The following KCNIP4 variants were observed in gnomAD, a reference collection of about 807,000 sequenced individuals.
The protein encoded by KCNIP4 is potassium voltage-gated channel interacting protein 4.
KCNIP4 carries 12 observed loss-of-function variants against 34.0 expected under a neutral mutation model. The observed-to-expected ratio is 0.35, with a 90% CI of 0.23 to 0.57. The LOEUF is 0.57. Among genes scored for constraint, KCNIP4 ranks in the 20% least tolerant of loss-of-function variants. The pLI is 0.83. For synonymous variants in KCNIP4, 124 were observed against 102.2 expected (o/e 1.21, Z -1.29); for missense variants, 238 against 311.7 (o/e 0.76, Z 1.78).
chr4:21,743,408 T>C (rs918379680), intron 1 of KCNIP4, among the ~76,000 whole-genome samples: 8 of 146,504 alleles, frequency 5.5e-5, no homozygotes, highest in East Asian at 4.0e-4. Context: ...TTTGTCTCTT[T>C]TTTTTTTTTT....
intron 1 of KCNIP4, among the ~76,000 whole-genome samples, chr4:21,665,523 T>A (rs1242576720): frequency 1.9e-5 from 2 of 106,994 alleles, no homozygotes; most frequent in Admixed American, 1.8e-4. Flanking sequence ...CCCCCCCCCC[T>A]CATTTTATAC....
rs559318092 is a variant in KCNIP4 at position 20,921,158 on chromosome 4, T to A, written c.62-38449A>T. Among the ~76,000 whole-genome samples the A allele has an allele frequency of 1.0e-3, 153 of 152,198 alleles. 1 individual carries two copies. Among genetic ancestry groups the A allele is most frequent in the African/African-American group, 3.6e-3 (148 of 41,514 alleles). ...AATGTACTGGTGATGGGAAAAATAG[T>A]AAGACACCTGACTCAAGAGGTGTTC... On this transcript the variant is annotated intron_variant, in intron 1 of 8. Transcript: ENST00000382152.
chr4:21,022,376 A>G (rs558474674), intron 1 of KCNIP4, among the ~76,000 whole-genome samples: 23 of 152,344 alleles, frequency 1.5e-4, no homozygotes, highest in Non-Finnish European at 2.8e-4. Flanking sequence ...TTTCCATTGC[A>G]TAACCTTTAA....
rs139816622 is a variant in KCNIP4 at position 20,788,103 on chromosome 4, C to T, written c.289-29213G>A. Among the ~76,000 whole-genome samples, 209 of 151,924 alleles carry T rather than the reference C, an allele frequency of 1.4e-3. 1 individual carries two copies. The highest frequency in any genetic ancestry group is 4.6e-3 in the African/African-American group (192 of 41,432). ...ATTGCTCACTAGATGGTAAACTCTG[C>T]GGGGAAAGGAATTTTTTTGCATGTC... On this transcript the variant is annotated intron_variant, in intron 3 of 8. Transcript: ENST00000382152.
chr4:20,824,186 T>G (rs998185986), intron 3 of KCNIP4, among the ~76,000 whole-genome samples: 2 of 152,204 alleles, frequency 1.3e-5, no homozygotes, highest in Non-Finnish European at 2.9e-5. Flanking sequence ...AAGACAGCAT[T>G]ATGCCAGAGG....
chr4:21,005,979 T>C (rs538492430), intron 1 of KCNIP4, among the ~76,000 whole-genome samples: 1 of 152,320 alleles, frequency 6.6e-6, no homozygotes, highest in East Asian at 1.9e-4. Context: ...TCGCACCTCA[T>C]GCCCTTAAAA....
At chr4:21,398,758 CTCTT>C (rs1301668440) in intron 1 of KCNIP4, among the ~76,000 whole-genome samples, 4 of 152,328 alleles carry the variant, frequency 2.6e-5, no homozygotes, top group Admixed American at 6.5e-5. Context: ...ATTCCTCTCT[CTCTT>C]TCTTTCTTTC....
At chr4:21,102,925 C>G (rs1234791747) in intron 1 of KCNIP4, among the ~76,000 whole-genome samples, 1 of 152,046 alleles carries the variant, frequency 6.6e-6, no homozygotes, top group African/African-American at 2.4e-5. Flanking sequence ...CACCCAGAGT[C>G]TGAAAAATGT....
At chr4:21,096,785 T>C (rs1747492953) in intron 1 of KCNIP4, among the ~76,000 whole-genome samples, 2 of 152,148 alleles carry the variant, frequency 1.3e-5, no homozygotes, top group African/African-American at 4.8e-5. Context: ...TTCCAAATGT[T>C]TAATAAAGCC....
chr4:20,875,647 A>G (rs927515622), intron 2 of KCNIP4, among the ~76,000 whole-genome samples: 1 of 152,150 alleles, frequency 6.6e-6, no homozygotes, highest in Non-Finnish European at 1.5e-5. Flanking sequence ...TCCTGACTAC[A>G]TGCCTAGGTC....
chr4:21,193,705 G>A (rs1372272419), intron 1 of KCNIP4, among the ~76,000 whole-genome samples: 2 of 151,110 alleles, frequency 1.3e-5, no homozygotes, highest in African/African-American at 4.9e-5. Context: ...CCGAGTAGCC[G>A]GGACTACAGG....
chr4:21,799,291 G>C (rs1304662801), intron 1 of KCNIP4, among the ~76,000 whole-genome samples: 1 of 152,094 alleles, frequency 6.6e-6, no homozygotes, highest in Non-Finnish European at 1.5e-5. Context: ...AACTTATGTG[G>C]CTGAGGTCTA....
chr4:21,796,040 G>C lies in KCNIP4; in HGVS notation c.61+152531C>G, dbSNP rs147874022. 3.2e-3 allele frequency among the ~76,000 whole-genome samples: 487 copies of C among 152,322 alleles called. 2 individuals carry two copies. The highest frequency in any genetic ancestry group is 0.011 in the African/African-American group (457 of 41,572). ...GCTGAGATTGTGCCACTGCACTTCA[G>C]TCTGGACTACAGAGACAGACTCTGT... On this transcript the variant is annotated intron_variant, in intron 1 of 8. Transcript: ENST00000382152.
intron 1 of KCNIP4, among the ~76,000 whole-genome samples, chr4:21,122,073 T>G (rs2109137899): frequency 6.6e-6 from 1 of 152,308 alleles, no homozygotes; most frequent in South Asian, 2.1e-4. Context: ...TGCAAATTAC[T>G]GGAATGATTA....
chr4:21,630,799 A>C (rs900036374), intron 1 of KCNIP4, among the ~76,000 whole-genome samples: 3 of 152,192 alleles, frequency 2.0e-5, no homozygotes, highest in Non-Finnish European at 4.4e-5. Context: ...CGCCCGCAAG[A>C]AAGAGCCCAA....
intron 1 of KCNIP4, among the ~76,000 whole-genome samples, chr4:21,728,183 C>A (rs553298192): frequency 6.4e-4 from 98 of 152,252 alleles, no homozygotes; most frequent in South Asian, 6.0e-3. Context: ...ACTCATGTAT[C>A]AACACAGCCA....
At chr4:21,369,057 G>T (rs1720077661) in intron 1 of KCNIP4, among the ~76,000 whole-genome samples, 1 of 147,028 alleles carries the variant, frequency 6.8e-6, no homozygotes, top group African/African-American at 2.7e-5. Context: ...TTACAGTTAG[G>T]TAGACCTAAA....
chr4:20,994,198 A>G (rs547527342), intron 1 of KCNIP4, among the ~76,000 whole-genome samples: 11 of 152,182 alleles, frequency 7.2e-5, no homozygotes, highest in Non-Finnish European at 1.5e-4. Context: ...TGGGTTTAGG[A>G]TATGGCCATC....
At chr4:21,656,584 T>C (rs7666451) in intron 1 of KCNIP4, 52,848 of 151,996 alleles carry the variant, frequency 0.35, 10,968 homozygotes, top group East Asian at 0.9. Context: ...GCCTGTTTGG[T>C]GAATCTTCAT....
Sources: allele counts gnomAD v4.1 joint callset (sites outside exome capture counted in the v4.1 genomes callset), GRCh38; gene constraint gnomAD v4.1.1; transcripts MANE v1.5; gene names NCBI Gene and HGNC (gene_info 2026-07-23, HGNC 2026-07-21).